Variants in IL1RAPL1 observed in about 807,000 individuals in gnomAD.
IL1RAPL1 encodes the protein interleukin 1 receptor accessory protein like 1.
In IL1RAPL1, 3 loss-of-function variants were observed where a neutral mutation model predicts 48.4. That is an observed-to-expected ratio of 0.06 (90% CI 0.03 to 0.16). IL1RAPL1 has a LOEUF of 0.16. Among genes scored for constraint, IL1RAPL1 ranks in the 10% least tolerant of loss-of-function variants. IL1RAPL1 has a pLI of 1.00. For missense variants in IL1RAPL1, 349 were observed against 530.6 expected (o/e 0.66, Z 3.36); for synonymous variants, 185 against 187.7 (o/e 0.99, Z 0.12).
chrX:28,613,946 A>T (rs1882260961), intron 1 of IL1RAPL1, among the ~76,000 whole-genome samples: 1 of 111,468 alleles, frequency 9.0e-6, no homozygotes, highest in Admixed American at 9.6e-5. Flanking sequence ...GTCCTCAGAA[A>T]TTTTCTTTAG....
intron 5 of IL1RAPL1, among the ~76,000 whole-genome samples, chrX:29,522,372 A>C (rs1935511906): frequency 9.1e-6 from 1 of 110,246 alleles, no homozygotes; most frequent in Non-Finnish European, 1.9e-5. Context: ...TATTGCCCAG[A>C]CTGGTCTCGA....
Position 29,260,430 on chromosome X carries a change from A to ATGG in IL1RAPL1, c.83-22507_83-22505dup, listed in dbSNP as rs765193675. Among the ~76,000 whole-genome samples, 211 of 111,892 alleles carry ATGG rather than the reference A, an allele frequency of 1.9e-3. 1 individual carries two copies. Among genetic ancestry groups the ATGG allele is most frequent in the African/African-American group, 6.6e-3 (203 of 30,651 alleles). ...AATGAGGAGCAAAGTCATGTCTTACATGGCAGCACACAAAACAGCTTGTGC... is the reference window on the plus strand; with the variant it reads ...AATGAGGAGCAAAGTCATGTCTTACATGGTGGCAGCACACAAAACAGCTTGTGC... On this transcript the variant is annotated intron_variant, in intron 2 of 10. Coordinates refer to ENST00000378993, the MANE Select transcript of IL1RAPL1 (RefSeq NM_014271.4).
chrX:29,577,800 T>A (rs1227155482), intron 5 of IL1RAPL1, among the ~76,000 whole-genome samples: 1 of 112,029 alleles, frequency 8.9e-6, no homozygotes, highest in Non-Finnish European at 1.9e-5. Flanking sequence ...TATAACCTGA[T>A]ATGATTTTTT....
intron 3 of IL1RAPL1, among the ~76,000 whole-genome samples, chrX:29,390,630 G>GT (rs1475457001): frequency 8.9e-6 from 1 of 111,743 alleles, no homozygotes; most frequent in Non-Finnish European, 1.9e-5. Context: ...TTCTGCTAGA[G>GT]TAAGAGAGAG....
intron 5 of IL1RAPL1, among the ~76,000 whole-genome samples, chrX:29,611,701 C>T (rs904109705): frequency 2.8e-4 from 31 of 111,374 alleles, no homozygotes; most frequent in African/African-American, 9.8e-4. Context: ...GCACCCTGCC[C>T]TCTTGGTACC....
chrX:29,704,122 G>A lies in IL1RAPL1; in HGVS notation c.778+35618G>A, dbSNP rs182819682. ...TTTATTTTTTTTTGGTGGAGAGGGA[G>A]TCTTGCTATATTGCCCAGGCTGGTC... On this transcript the variant is annotated intron_variant, in intron 6 of 10. Transcript: ENST00000378993. Among the ~76,000 whole-genome samples, 233 of 109,385 alleles carry A rather than the reference G, an allele frequency of 2.1e-3. 1 individual carries two copies. Among genetic ancestry groups the A allele is most frequent in the African/African-American group, 7.4e-3 (221 of 30,016 alleles). The allele number at this position is 109,385 out of a possible 115,157, so 95.0% of individuals were successfully genotyped here.
chrX:28,996,582 T>A (rs1925729717), intron 2 of IL1RAPL1, among the ~76,000 whole-genome samples: 1 of 111,050 alleles, frequency 9.0e-6, no homozygotes, highest in Admixed American at 9.6e-5. Flanking sequence ...GTATTAGGGT[T>A]CTGATTTCTC....
intron 2 of IL1RAPL1, among the ~76,000 whole-genome samples, chrX:28,881,973 A>T (rs1922512475): frequency 9.0e-6 from 1 of 110,631 alleles, no homozygotes; most frequent in South Asian, 3.8e-4. Context: ...TCAATTAAGA[A>T]AAAATGGCTA....
chrX:28,752,488 G>C (rs765458441), intron 1 of IL1RAPL1, among the ~76,000 whole-genome samples: 2 of 112,418 alleles, frequency 1.8e-5, no homozygotes, highest in Non-Finnish European at 3.7e-5. Context: ...TTCAGAAAAT[G>C]AGCAAATTGT....
Position 29,227,878 on chromosome X carries a change from A to G in IL1RAPL1, c.83-55060A>G, listed in dbSNP as rs376998970. ...ATTCATCTTCATGATTACATTGTTT[A>G]ATGGGTACTATAGAGATCGTCAGCA... On this transcript the variant is annotated intron_variant, in intron 2 of 10. Coordinates refer to ENST00000378993, the MANE Select transcript of IL1RAPL1 (RefSeq NM_014271.4). Among the ~76,000 whole-genome samples the G allele has an allele frequency of 2.6e-3, 294 of 111,298 alleles. 1 individual carries two copies. The highest frequency in any genetic ancestry group is 8.6e-3 in the African/African-American group (263 of 30,662).
At chrX:28,686,549 A>G (rs978423045) in intron 1 of IL1RAPL1, among the ~76,000 whole-genome samples, 1 of 111,858 alleles carries the variant, frequency 8.9e-6, no homozygotes, top group African/African-American at 3.2e-5. Flanking sequence ...TGACACCCAT[A>G]TACTCTTTCA....
chrX:28,808,247 G>A (rs1936753885), intron 2 of IL1RAPL1, among the ~76,000 whole-genome samples: 1 of 111,046 alleles, frequency 9.0e-6, no homozygotes, highest in African/African-American at 3.3e-5. Context: ...AAAATCAGAT[G>A]TTTTGAGTTA....
chrX:29,416,537 AAAAC>A (rs891493783), intron 5 of IL1RAPL1, among the ~76,000 whole-genome samples: 16 of 111,189 alleles, frequency 1.4e-4, no homozygotes, highest in African/African-American at 4.2e-4. Flanking sequence ...ACTCCGTCTC[AAAAC>A]AAACAAACAA....
At chrX:29,649,214 T>C (rs144395901) in intron 5 of IL1RAPL1, among the ~76,000 whole-genome samples, 4,257 of 111,217 alleles carry the variant, frequency 0.038, 204 homozygotes, top group African/African-American at 0.13. Flanking sequence ...TTACAAAAAA[T>C]TGGAGAGGAG....
chrX:29,404,574 C>T (rs1482364411), intron 5 of IL1RAPL1, among the ~76,000 whole-genome samples: 1 of 112,171 alleles, frequency 8.9e-6, no homozygotes, highest in Non-Finnish European at 1.9e-5. Context: ...TCCTTTATGA[C>T]ATTGTTCTCA....
At chrX:28,674,151 A>G (rs924232960) in intron 1 of IL1RAPL1, among the ~76,000 whole-genome samples, 1 of 111,730 alleles carries the variant, frequency 9.0e-6, no homozygotes, top group African/African-American at 3.2e-5. Context: ...CTAAATAGAA[A>G]CTTACTTAGC....
At chrX:29,501,409 A>G (rs886712747) in intron 5 of IL1RAPL1, among the ~76,000 whole-genome samples, 14 of 110,848 alleles carry the variant, frequency 1.3e-4, no homozygotes, top group Non-Finnish European at 1.7e-4. Context: ...CATTTCCCCA[A>G]TGATTTTTTT....
At chrX:28,694,079 G>T (rs750163680) in intron 1 of IL1RAPL1, among the ~76,000 whole-genome samples, 24 of 111,170 alleles carry the variant, frequency 2.2e-4, no homozygotes, top group Admixed American at 7.7e-4. Context: ...TTGGTGGCGT[G>T]TTTCTTGCTT....
At chrX:28,612,894 T>C (rs914067655) in intron 1 of IL1RAPL1, among the ~76,000 whole-genome samples, 1 of 112,026 alleles carries the variant, frequency 8.9e-6, no homozygotes, top group African/African-American at 3.2e-5. Flanking sequence ...AATTGAACCA[T>C]ATATTAGTTA....
Sources: gnomAD v4.1 joint callset for allele counts (sites outside exome capture counted in the v4.1 genomes callset) on GRCh38, gnomAD v4.1.1 for gene constraint, MANE v1.5 for transcripts, NCBI Gene and HGNC (gene_info 2026-07-23, HGNC 2026-07-21) for gene names.